LPP: variants seen among roughly 807,000 people sequenced by gnomAD.
LPP encodes LIM domain containing preferred translocation partner in lipoma.
Under a neutral mutation model 60.4 loss-of-function variants are expected in LPP, and 38 were observed. The ratio of observed to expected loss-of-function variants is 0.63; its 90% CI spans 0.49 to 0.83. The LOEUF (loss-of-function observed/expected upper bound fraction) is 0.83, where lower values mean the gene tolerates loss of function less well. Ranked by LOEUF, LPP falls within the 40% of genes least tolerant of loss-of-function variation. The pLI is 0.00. For synonymous variants in LPP, 328 were observed against 290.8 expected (o/e 1.13, Z -1.30); for missense variants, 902 against 783.6 (o/e 1.15, Z -1.80).
chr3:188,705,146 A>C (rs1865236319), intron 7 of LPP, among the ~76,000 whole-genome samples: 2 of 152,236 alleles, frequency 1.3e-5, no homozygotes, highest in Admixed American at 6.5e-5. Flanking sequence ...CTTGCTGTAC[A>C]ATAAAGAAAC....
At chr3:188,772,749 G>A (rs756157812) in intron 9 of LPP, among the ~76,000 whole-genome samples, 7 of 151,888 alleles carry the variant, frequency 4.6e-5, no homozygotes, top group South Asian at 2.1e-4. Context: ...CCTTTAATTC[G>A]TCTTTGTCTT....
At chr3:188,666,220 A>G (rs1855769722) in intron 7 of LPP, among the ~76,000 whole-genome samples, 3 of 152,226 alleles carry the variant, frequency 2.0e-5, no homozygotes, top group Admixed American at 2.0e-4. Context: ...TAACAAGCAA[A>G]ATTGTGTGAT....
rs1765374497 is a variant in LPP, at chr3:188,862,330, A to G, written c.1411-3870A>G. Among the ~76,000 whole-genome samples the G allele has an allele frequency of 2.6e-5, 4 of 152,156 alleles. No homozygotes were observed. In the South Asian group the frequency reaches 8.3e-4, roughly 32 times the overall value. ...TGACATAAACCACTAAATCAAGTAC[A>G]TTGTGTTCAGTGTCATAGGGGAAGC... On this transcript the variant is annotated intron_variant, in intron 9 of 11. Transcript: ENST00000617246.
At chr3:188,354,420 C>A (rs1766889366) in intron 3 of LPP, among the ~76,000 whole-genome samples, 1 of 151,962 alleles carries the variant, frequency 6.6e-6, no homozygotes, top group African/African-American at 2.4e-5. Flanking sequence ...GGGCCTATTT[C>A]TGTACTTTGT....
chr3:188,838,331 A>C (rs1200560807), intron 9 of LPP, among the ~76,000 whole-genome samples: 1 of 152,200 alleles, frequency 6.6e-6, no homozygotes, highest in Non-Finnish European at 1.5e-5. Context: ...TAGCTTCTAA[A>C]TGATGGGGGG....
chr3:188,343,228 G>A (rs970650108), intron 3 of LPP, among the ~76,000 whole-genome samples: 4 of 151,946 alleles, frequency 2.6e-5, no homozygotes, highest in African/African-American at 7.3e-5. Flanking sequence ...ATGTGTTCTC[G>A]TTCAACTCCC....
intron 7 of LPP, among the ~76,000 whole-genome samples, chr3:188,619,480 G>A (rs998375541): frequency 6.6e-6 from 1 of 152,184 alleles, no homozygotes; most frequent in East Asian, 1.9e-4. Flanking sequence ...CAGAGAATAT[G>A]AAGCAGGACC....
chr3:188,250,686 T>C (rs1481391725), intron 2 of LPP, among the ~76,000 whole-genome samples: 1 of 150,450 alleles, frequency 6.6e-6, no homozygotes, highest in Non-Finnish European at 1.5e-5. Context: ...TCCCTCCCGC[T>C]CTCTCTCTCT....
intron 7 of LPP, among the ~76,000 whole-genome samples, chr3:188,696,355 T>C (rs1433805482): frequency 1.3e-5 from 2 of 152,112 alleles, no homozygotes; most frequent in African/African-American, 4.8e-5. Context: ...ACCATCTCAT[T>C]TAACTTATGG....
intron 8 of LPP, among the ~76,000 whole-genome samples, chr3:188,748,039 T>C (rs1726847392): frequency 1.3e-5 from 2 of 152,178 alleles, no homozygotes; most frequent in African/African-American, 4.8e-5. Flanking sequence ...CATTCTACCT[T>C]GTGGATTTTG....
At chr3:188,630,037 TA>T (rs1847573340) in intron 7 of LPP, among the ~76,000 whole-genome samples, 1 of 152,120 alleles carries the variant, frequency 6.6e-6, no homozygotes, top group African/African-American at 2.4e-5. Context: ...TAGGAAATTA[TA>T]TTCTAGAAAT....
intron 5 of LPP, among the ~76,000 whole-genome samples, chr3:188,485,569 G>A (rs148836458): frequency 0.028 from 4,315 of 151,818 alleles, 202 homozygotes; most frequent in African/African-American, 0.095. Context: ...AGGCCGAGGC[G>A]GGCGGATCAC....
rs1843245536 is a variant in LPP, at chr3:188,609,631, C to T, written c.900C>T (p.Tyr300=). Reference sequence around the variant, plus strand: ...ACCAGGGACGCTATTATGAAGGCTACTATGCAGCAGGGCCAGGCTATGGGG... The same window carrying T: ...ACCAGGGACGCTATTATGAAGGCTATTATGCAGCAGGGCCAGGCTATGGGG... The part of the protein sequence containing the change: ...APNQGRYYEG[Y]YAAGPGYGGR... Residue 300 remains tyrosine, a synonymous_variant, in exon 7 of 12, where the codon TAC becomes TAT. Coordinates refer to ENST00000617246, the MANE Select transcript of LPP (RefSeq NM_001375462.1). The surrounding 1 kb of genome is among the most constrained non-coding windows in gnomAD (Gnocchi z 6.9). 6.2e-7 allele frequency: 1 copy of T among 1,614,178 alleles called. No homozygotes were observed. Among genetic ancestry groups the T allele is most frequent in the Non-Finnish European group, 8.5e-7 (1 of 1,180,038 alleles).
At chr3:188,596,600 T>G (rs750555229) in intron 6 of LPP, among the ~76,000 whole-genome samples, 1 of 151,862 alleles carries the variant, frequency 6.6e-6, no homozygotes, top group Non-Finnish European at 1.5e-5. Flanking sequence ...AAAATGAGAG[T>G]GTTTTCTGCA....
At chr3:188,774,717 G>A (rs571315986) in intron 9 of LPP, among the ~76,000 whole-genome samples, 22 of 152,244 alleles carry the variant, frequency 1.4e-4, no homozygotes, top group Non-Finnish European at 2.5e-4. Context: ...TTCCTGACTT[G>A]TAGATAGCCA....
intron 8 of LPP, among the ~76,000 whole-genome samples, chr3:188,753,076 C>G (rs1560156531): frequency 6.6e-6 from 1 of 152,138 alleles, no homozygotes; most frequent in South Asian, 2.1e-4. Flanking sequence ...TACATAGAAA[C>G]ATGTGCTGAT....
intron 2 of LPP, among the ~76,000 whole-genome samples, chr3:188,239,692 A>AGGT (rs1474844248): frequency 3.3e-5 from 5 of 152,214 alleles, no homozygotes; most frequent in Admixed American, 3.3e-4. Context: ...AGCCATTGGC[A>AGGT]GGTGGTGTCT....
At chr3:188,214,565 G>A (rs1417201434) in intron 1 of LPP, among the ~76,000 whole-genome samples, 1 of 152,188 alleles carries the variant, frequency 6.6e-6, no homozygotes, top group Non-Finnish European at 1.5e-5. Flanking sequence ...ACCTATGTTT[G>A]TTCTGGCCAG....
At chr3:188,562,074 G>A (rs199670120) in intron 6 of LPP, among the ~76,000 whole-genome samples, 1 of 50,496 alleles carries the variant, frequency 2.0e-5, no homozygotes, top group Non-Finnish European at 5.4e-5. Context: ...GACACACACA[G>A]ACACACACAC....
Sources: allele counts gnomAD v4.1 joint callset (sites outside exome capture counted in the v4.1 genomes callset), GRCh38; gene constraint gnomAD v4.1.1; non-coding constraint Gnocchi (gnomAD v3.1); transcripts MANE v1.5; gene names NCBI Gene and HGNC (gene_info 2026-07-23, HGNC 2026-07-21).